Variants in DACH1 observed in about 807,000 individuals in gnomAD.
DACH1 encodes the protein dachshund homolog 1.
Under a neutral mutation model 54.2 loss-of-function variants are expected in DACH1, and 12 were observed. That is an observed-to-expected ratio of 0.22 (90% CI 0.14 to 0.36). DACH1 has a LOEUF of 0.36. DACH1 is among the 10% of genes least tolerant of loss of function. The pLI, the probability that DACH1 is intolerant of heterozygous loss-of-function variation, is 1.00. For synonymous variants in DACH1, 386 were observed against 366.2 expected (o/e 1.05, Z -0.62); for missense variants, 805 against 929.8 (o/e 0.87, Z 1.75).
At chr13:71,651,694 GTATA>G (rs1878693457) in intron 2 of DACH1, among the ~76,000 whole-genome samples, 1 of 144,790 alleles carries the variant, frequency 6.9e-6, no homozygotes, top group Non-Finnish European at 1.5e-5. Context: ...ATATGTATAT[GTATA>G]TGTATATGTA....
intron 6 of DACH1, among the ~76,000 whole-genome samples, chr13:71,536,860 T>C (rs573212876): frequency 6.6e-6 from 1 of 152,214 alleles, no homozygotes; most frequent in African/African-American, 2.4e-5. Flanking sequence ...TCTCTCCACT[T>C]TAATTGCCAA....
At chr13:71,738,359 T>C (rs74501124) in intron 1 of DACH1, among the ~76,000 whole-genome samples, 3,043 of 152,228 alleles carry the variant, frequency 0.02, 41 homozygotes, top group Middle Eastern at 0.051. Flanking sequence ...GTGAAAAAGA[T>C]ACATTTACAA....
chr13:71,497,642 T>C (rs906723204), intron 6 of DACH1, among the ~76,000 whole-genome samples: 20 of 152,076 alleles, frequency 1.3e-4, no homozygotes, highest in African/African-American at 4.6e-4. Flanking sequence ...TCTAAGTCTG[T>C]AGTTTCTATA....
intron 1 of DACH1, among the ~76,000 whole-genome samples, chr13:71,702,966 C>G (rs1286796778): frequency 1.3e-5 from 2 of 152,124 alleles, no homozygotes; most frequent in Non-Finnish European, 2.9e-5. Context: ...TGTTTAACAA[C>G]TTATAGTCTA....
chr13:71,836,459 G>C (rs1317586575), intron 1 of DACH1, among the ~76,000 whole-genome samples: 1 of 152,016 alleles, frequency 6.6e-6, no homozygotes, highest in Non-Finnish European at 1.5e-5. Flanking sequence ...GCAAGTGGCA[G>C]AGAAAAGATC....
At chr13:71,480,867 A>C (rs945308237) in intron 7 of DACH1, among the ~76,000 whole-genome samples, 2 of 152,152 alleles carry the variant, frequency 1.3e-5, no homozygotes, top group Non-Finnish European at 2.9e-5. Flanking sequence ...CATATTTGCT[A>C]TACCTGACCC....
At position 71,693,469 on chromosome 13, in the gene DACH1, AT is replaced by A. The variant is rs748598587; in HGVS notation, c.849-11560del. ...AGGTGCTCACCACCACGCCCGGCAA[AT>A]TTTTTTTTTTTTTTTTTTTTTGTAT... On this transcript the variant is annotated intron_variant, in intron 1 of 10. Transcript: ENST00000613252. Among the ~76,000 whole-genome samples the A allele has an allele frequency of 4.7e-3, 556 of 119,262 alleles. 2 individuals carry two copies. The highest frequency in any genetic ancestry group is 0.012 in the African/African-American group (342 of 28,486). The allele number at this position is 119,262 out of a possible 152,430, so 78.2% of individuals were successfully genotyped here. A position where few individuals can be genotyped will look rare whatever the true frequency, so the allele number is the denominator to read the frequency against.
intron 1 of DACH1, among the ~76,000 whole-genome samples, chr13:71,837,300 G>A (rs1888830275): frequency 6.6e-6 from 1 of 152,032 alleles, no homozygotes; most frequent in Admixed American, 6.6e-5. Context: ...ACTATGAAAT[G>A]ACTGTTGGAT....
intron 1 of DACH1, among the ~76,000 whole-genome samples, chr13:71,764,232 T>C (rs570331781): frequency 6.6e-6 from 1 of 152,260 alleles, no homozygotes; most frequent in Non-Finnish European, 1.5e-5. Flanking sequence ...GCAATCATAC[T>C]CAAAGAAATA....
intron 10 of DACH1, among the ~76,000 whole-genome samples, chr13:71,453,718 A>G (rs1457198050): frequency 1.3e-5 from 2 of 152,188 alleles, no homozygotes; most frequent in Admixed American, 6.5e-5. Context: ...AAAGTTCTAC[A>G]TCTTTAAAGC....
At chr13:71,760,608 G>A (rs576717429) in intron 1 of DACH1, among the ~76,000 whole-genome samples, 2 of 152,252 alleles carry the variant, frequency 1.3e-5, no homozygotes, top group East Asian at 1.9e-4. Context: ...ACTCGTTACC[G>A]TCATCAAAGG....
chr13:71,494,267 T>A (rs1879228174), intron 6 of DACH1, among the ~76,000 whole-genome samples: 1 of 152,048 alleles, frequency 6.6e-6, no homozygotes, highest in Non-Finnish European at 1.5e-5. Flanking sequence ...GAATTTTGAT[T>A]TTTTTTTCCT....
At chr13:71,779,254 CGTATATATGT>C (rs1342855746) in intron 1 of DACH1, among the ~76,000 whole-genome samples, 8 of 71,728 alleles carry the variant, frequency 1.1e-4, no homozygotes, top group African/African-American at 3.3e-4. Flanking sequence ...TACGTATATA[CGTATATATGT>C]GTATATATAC....
intron 10 of DACH1, among the ~76,000 whole-genome samples, chr13:71,443,701 T>C (rs1393067000): frequency 6.6e-6 from 1 of 152,182 alleles, no homozygotes; most frequent in Non-Finnish European, 1.5e-5. Flanking sequence ...TAGATATGTG[T>C]AGATATGCAG....
chr13:71,613,577 A>T (rs1310997685), intron 3 of DACH1, among the ~76,000 whole-genome samples: 1 of 152,182 alleles, frequency 6.6e-6, no homozygotes, highest in Non-Finnish European at 1.5e-5. Context: ...TGATAATTTG[A>T]GTTATCGCAC....
At chr13:71,602,651 A>G (rs1874581285) in intron 3 of DACH1, among the ~76,000 whole-genome samples, 1 of 152,044 alleles carries the variant, frequency 6.6e-6, no homozygotes, top group South Asian at 2.1e-4. Flanking sequence ...CTAGTAAAAC[A>G]CTGAGCAGAG....
chr13:71,516,613 C>A (rs570378068), intron 6 of DACH1, among the ~76,000 whole-genome samples: 1 of 151,820 alleles, frequency 6.6e-6, no homozygotes, highest in African/African-American at 2.4e-5. Flanking sequence ...ACATGAAATT[C>A]ATCCTCTGTT....
At chr13:71,470,384 C>T (rs144965191) in intron 10 of DACH1, among the ~76,000 whole-genome samples, 81 of 151,334 alleles carry the variant, frequency 5.4e-4, no homozygotes, top group Admixed American at 1.8e-3. Flanking sequence ...CTTCGGCTCA[C>T]TGCAACCTCT....
At chr13:71,676,704 TA>T (rs1382674012) in intron 2 of DACH1, among the ~76,000 whole-genome samples, 3 of 152,368 alleles carry the variant, frequency 2.0e-5, no homozygotes, top group African/African-American at 7.2e-5. Context: ...CATTTTTCTC[TA>T]AATTTTTTTA....
Sources: allele counts gnomAD v4.1 joint callset (sites outside exome capture counted in the v4.1 genomes callset), GRCh38; gene constraint gnomAD v4.1.1; transcripts MANE v1.5; gene names NCBI Gene and HGNC (gene_info 2026-07-23, HGNC 2026-07-21).